The following PPIG variants were observed in gnomAD, a reference collection of about 807,000 sequenced individuals.
PPIG encodes the protein peptidyl-prolyl cis-trans isomerase G.
Under a neutral mutation model 87.9 loss-of-function variants are expected in PPIG, and 26 were observed. The ratio of observed to expected loss-of-function variants is 0.30; its 90% CI spans 0.22 to 0.41. The LOEUF is 0.41. PPIG is among the 10% of genes least tolerant of loss of function. The probability of loss-of-function intolerance (pLI) is 1.00; values close to 1 mark genes in which losing one functional copy is unlikely to be tolerated. For missense variants in PPIG, 722 were observed against 879.4 expected (o/e 0.82, Z 2.26); for synonymous variants, 308 against 276.5 (o/e 1.11, Z -1.13).
intron 1 of PPIG, among the ~76,000 whole-genome samples, chr2:169,587,893 C>T (rs1005167693): frequency 1.3e-5 from 2 of 152,264 alleles, no homozygotes; most frequent in Non-Finnish European, 2.9e-5. Flanking sequence ...TGGTGGCTCA[C>T]ACCTGAAATC....
At chr2:169,600,808 T>TA (rs1221258885) in intron 1 of PPIG, among the ~76,000 whole-genome samples, 1 of 152,230 alleles carries the variant, frequency 6.6e-6, no homozygotes, top group East Asian at 1.9e-4. Context: ...CTCATTTACT[T>TA]AGAGATAGAC....
At chr2:169,616,849 T>C (rs1027727043) in intron 9 of PPIG, among the ~76,000 whole-genome samples, 2 of 152,230 alleles carry the variant, frequency 1.3e-5, no homozygotes, top group African/African-American at 4.8e-5. Flanking sequence ...CTCTTTAGTT[T>C]AATTAAATCC....
chr2:169,602,465 G>A (rs1448619750), intron 1 of PPIG, among the ~76,000 whole-genome samples: 7 of 151,982 alleles, frequency 4.6e-5, no homozygotes, highest in Non-Finnish European at 8.8e-5. Flanking sequence ...ACAGGCACCC[G>A]CCACCACAGC....
intron 1 of PPIG, 175 bp downstream of exon 1, chr2:169,584,665 C>A: frequency 2.7e-6 from 1 of 366,086 alleles, no homozygotes; most frequent in Non-Finnish European, 5.3e-6. Flanking sequence ...CCCTGAGGAC[C>A]GCAGCAGTGC....
intron 7 of PPIG, among the ~76,000 whole-genome samples, chr2:169,614,033 A>G (rs1244743647): frequency 6.6e-6 from 1 of 152,266 alleles, no homozygotes; most frequent in African/African-American, 2.4e-5. Flanking sequence ...GCCCGTGCTT[A>G]ACTGTTTAAA....
At chr2:169,603,224 T>C (rs1277708006) in intron 1 of PPIG, among the ~76,000 whole-genome samples, 1 of 152,208 alleles carries the variant, frequency 6.6e-6, no homozygotes, top group Non-Finnish European at 1.5e-5. Flanking sequence ...CTTAGTGCCT[T>C]TGTTTCTTCT....
At chr2:169,608,519 C>G (rs1402708521) in intron 6 of PPIG, 152 bp from the exon 7 acceptor site, 7 of 465,026 alleles carry the variant, frequency 1.5e-5, no homozygotes, top group South Asian at 5.3e-5. Flanking sequence ...GAAATTGATT[C>G]ATATTTGATT....
intron 1 of PPIG, chr2:169,584,717 C>A (rs1684649399): frequency 3.1e-6 from 1 of 318,988 alleles, no homozygotes; most frequent in South Asian, 2.4e-5. Context: ...CAGTCGAGCC[C>A]CGGGGCCTGG....
At chr2:169,624,987 A>G (rs977060263) in intron 9 of PPIG, among the ~76,000 whole-genome samples, 3 of 152,168 alleles carry the variant, frequency 2.0e-5, no homozygotes, top group Non-Finnish European at 2.9e-5. Flanking sequence ...AAATTATTGT[A>G]TATATTTATG....
intron 1 of PPIG, among the ~76,000 whole-genome samples, chr2:169,588,752 G>A (rs114258821): frequency 0.044 from 6,716 of 152,000 alleles, 213 homozygotes; most frequent in East Asian, 0.18. Context: ...ACCTGAGGTC[G>A]GAGCTTGAGA....
At chr2:169,604,624 C>G (rs1685270515) in intron 4 of PPIG, among the ~76,000 whole-genome samples, 1 of 151,270 alleles carries the variant, frequency 6.6e-6, no homozygotes, top group East Asian at 1.9e-4. Context: ...GTCTGTAATC[C>G]CAGCACTCTG....
intron 7 of PPIG, among the ~76,000 whole-genome samples, chr2:169,612,438 C>T (rs1175621519): frequency 5.7e-5 from 8 of 140,456 alleles, no homozygotes; most frequent in Admixed American, 4.5e-4. Flanking sequence ...GCCTGGAGTG[C>T]AGTGGCAGAA....
chr2:169,607,889 CTG>C (rs1685377307), intron 6 of PPIG, among the ~76,000 whole-genome samples: 1 of 152,056 alleles, frequency 6.6e-6, no homozygotes, highest in African/African-American at 2.4e-5. Flanking sequence ...TGGGATCTCA[CTG>C]TGTTGCCCGG....
intron 1 of PPIG, among the ~76,000 whole-genome samples, chr2:169,590,948 G>A (rs765592576): frequency 3.9e-5 from 6 of 152,128 alleles, no homozygotes; most frequent in Non-Finnish European, 5.9e-5. Flanking sequence ...TCCAGGCTGC[G>A]GTGAGCTGTG....
intron 1 of PPIG, among the ~76,000 whole-genome samples, chr2:169,589,992 C>T (rs1684815764): frequency 6.6e-6 from 1 of 151,948 alleles, no homozygotes; most frequent in Non-Finnish European, 1.5e-5. Context: ...TCCAGTAATC[C>T]CAGCTACTCG....
chr2:169,598,492 C>T (rs1685084222), intron 1 of PPIG, among the ~76,000 whole-genome samples: 1 of 152,014 alleles, frequency 6.6e-6, no homozygotes, highest in Non-Finnish European at 1.5e-5. Context: ...GGGGTTTCAC[C>T]GTGTTAGCCA....
At chr2:169,633,420 C>G (rs942948548) in intron 12 of PPIG, 173 bp downstream of exon 12, 5 of 638,700 alleles carry the variant, frequency 7.8e-6, no homozygotes, top group African/African-American at 1.9e-5. Context: ...TTGGTACTTC[C>G]CAACAGAAAA....
intron 9 of PPIG, among the ~76,000 whole-genome samples, chr2:169,628,029 T>G (rs931787626): frequency 6.6e-6 from 1 of 152,122 alleles, no homozygotes; most frequent in African/African-American, 2.4e-5. Flanking sequence ...CATATATAAG[T>G]AGATTTTTCA....
intron 1 of PPIG, among the ~76,000 whole-genome samples, chr2:169,603,155 G>A (rs1005968603): frequency 3.9e-5 from 6 of 152,036 alleles, no homozygotes; most frequent in African/African-American, 1.4e-4. Context: ...ATATAACATA[G>A]CGTACATAGC....
Sources: gnomAD v4.1 joint callset for allele counts (sites outside exome capture counted in the v4.1 genomes callset) on GRCh38, gnomAD v4.1.1 for gene constraint, MANE v1.5 for transcripts, NCBI Gene and HGNC (gene_info 2026-07-23, HGNC 2026-07-21) for gene names.